Variants in ADAMTSL1 observed in about 807,000 individuals in gnomAD.
ADAMTSL1 encodes the protein ADAMTS-like protein 1.
In ADAMTSL1, 126 loss-of-function variants were observed where a neutral mutation model predicts 201.8. The observed-to-expected ratio is 0.62, with a 90% CI of 0.54 to 0.72. ADAMTSL1 has a LOEUF of 0.72. Among genes scored for constraint, ADAMTSL1 ranks in the 30% least tolerant of loss-of-function variants. ADAMTSL1 has a pLI of 0.00. For missense variants in ADAMTSL1, 2,679 were observed against 2,277.8 expected (o/e 1.18, Z -3.59); for synonymous variants, 1,121 against 903.4 (o/e 1.24, Z -4.32).
At chr9:18,443,534 A>G (rs1563964362) in intron 2 of ADAMTSL1, among the ~76,000 whole-genome samples, 1 of 152,254 alleles carries the variant, frequency 6.6e-6, no homozygotes, top group African/African-American at 2.4e-5. Context: ...TTATAGGTAT[A>G]GAACTCATTC....
chr9:18,905,027 C>T (rs143117599), intron 26 of ADAMTSL1, among the ~76,000 whole-genome samples: 98 of 152,274 alleles, frequency 6.4e-4, no homozygotes, highest in Non-Finnish European at 1.1e-3. Context: ...GCACCACCCC[C>T]AGTGGAACCC....
At chr9:18,193,881 C>A (rs1829071100) in intron 2 of ADAMTSL1, among the ~76,000 whole-genome samples, 1 of 152,150 alleles carries the variant, frequency 6.6e-6, no homozygotes, top group Admixed American at 6.6e-5. Flanking sequence ...TGCACACACT[C>A]ATGTTTTATC....
At chr9:18,053,760 C>A (rs756029919) in intron 1 of ADAMTSL1, among the ~76,000 whole-genome samples, 1 of 152,172 alleles carries the variant, frequency 6.6e-6, no homozygotes, top group Non-Finnish European at 1.5e-5. Flanking sequence ...GTTTACTGAG[C>A]ACTCTTGATG....
chr9:18,690,060 TG>T (rs765268146), intron 13 of ADAMTSL1, among the ~76,000 whole-genome samples: 5 of 152,192 alleles, frequency 3.3e-5, no homozygotes, highest in Non-Finnish European at 7.3e-5. Flanking sequence ...GGATGCCAGA[TG>T]GCATCAGCTT....
At chr9:18,001,233 A>C (rs1308964577) in intron 1 of ADAMTSL1, among the ~76,000 whole-genome samples, 1 of 152,116 alleles carries the variant, frequency 6.6e-6, no homozygotes, top group Non-Finnish European at 1.5e-5. Flanking sequence ...GTAAGATTGC[A>C]ATAATAAGCC....
At chr9:18,100,002 A>G (rs1824446948) in intron 1 of ADAMTSL1, among the ~76,000 whole-genome samples, 1 of 151,964 alleles carries the variant, frequency 6.6e-6, no homozygotes, top group Non-Finnish European at 1.5e-5. Flanking sequence ...TTTCTGATAT[A>G]ATTATTCTTC....
At chr9:18,569,629 T>C (rs1346953175) in intron 3 of ADAMTSL1, among the ~76,000 whole-genome samples, 1 of 152,114 alleles carries the variant, frequency 6.6e-6, no homozygotes, top group Non-Finnish European at 1.5e-5. Context: ...GTCCTGTGCA[T>C]CCCTCCCACA....
chr9:18,783,847 T>C (rs1178662352), intron 19 of ADAMTSL1, among the ~76,000 whole-genome samples: 1 of 151,544 alleles, frequency 6.6e-6, no homozygotes, highest in African/African-American at 2.4e-5. Flanking sequence ...ATTTACTATC[T>C]GTCCCTTTAC....
At chr9:18,673,284 C>A (rs764040282) in intron 9 of ADAMTSL1, among the ~76,000 whole-genome samples, 1 of 152,082 alleles carries the variant, frequency 6.6e-6, no homozygotes, top group Non-Finnish European at 1.5e-5. Flanking sequence ...GGCAAGCTTG[C>A]TTTCTCCCAG....
chr9:18,857,223 G>C (rs182355938), intron 23 of ADAMTSL1, among the ~76,000 whole-genome samples: 31 of 152,352 alleles, frequency 2.0e-4, no homozygotes, highest in African/African-American at 7.5e-4. Context: ...CCATTCGGGA[G>C]TAAGTTGCTG....
At chr9:18,113,180 A>G (rs940343609) in intron 1 of ADAMTSL1, among the ~76,000 whole-genome samples, 9 of 152,134 alleles carry the variant, frequency 5.9e-5, no homozygotes, top group African/African-American at 2.2e-4. Flanking sequence ...GTTGGAAAGA[A>G]AGAGATGAAG....
intron 10 of ADAMTSL1, among the ~76,000 whole-genome samples, chr9:18,679,378 G>A (rs10963718): frequency 0.17 from 25,796 of 151,954 alleles, 2,275 homozygotes; most frequent in South Asian, 0.21. Flanking sequence ...CAGTCCCAAT[G>A]TTTCTGTTTT....
intron 20 of ADAMTSL1, among the ~76,000 whole-genome samples, chr9:18,811,039 A>AAAAAAC (rs1823475270): frequency 6.0e-5 from 9 of 149,128 alleles, no homozygotes; most frequent in African/African-American, 2.2e-4. Flanking sequence ...AAAAAAACAA[A>AAAAAAC]CACCAGCTAG....
At chr9:18,792,237 T>A (rs2133826161) in intron 19 of ADAMTSL1, among the ~76,000 whole-genome samples, 1 of 152,106 alleles carries the variant, frequency 6.6e-6, no homozygotes, top group South Asian at 2.1e-4. Context: ...AAGAAAAGAG[T>A]CATTGGAAAT....
At chr9:18,340,429 A>G (rs4418426) in intron 2 of ADAMTSL1, among the ~76,000 whole-genome samples, 99,718 of 152,058 alleles carry the variant, frequency 0.66, 33,645 homozygotes, top group African/African-American at 0.8. Flanking sequence ...CCAGTTCTGC[A>G]TATACTGCAA....
intron 1 of ADAMTSL1, among the ~76,000 whole-genome samples, chr9:18,492,739 G>C (rs757395367): frequency 6.6e-6 from 1 of 152,100 alleles, no homozygotes; most frequent in Non-Finnish European, 1.5e-5. Context: ...TAGAATCATA[G>C]ACATTTTTGT....
chr9:18,600,516 G>A (rs1442057924), intron 4 of ADAMTSL1, among the ~76,000 whole-genome samples: 1 of 152,138 alleles, frequency 6.6e-6, no homozygotes, highest in Non-Finnish European at 1.5e-5. Flanking sequence ...AAGCCCCTGA[G>A]AATCTATGAC....
intron 1 of ADAMTSL1, among the ~76,000 whole-genome samples, chr9:18,135,441 G>A (rs1826118635): frequency 6.6e-6 from 1 of 152,040 alleles, no homozygotes; most frequent in Non-Finnish European, 1.5e-5. Flanking sequence ...TGAAAGGAAG[G>A]AGGGCATATT....
At chr9:17,968,764 G>A (rs1250821714) in intron 1 of ADAMTSL1, among the ~76,000 whole-genome samples, 1 of 152,104 alleles carries the variant, frequency 6.6e-6, no homozygotes, top group Non-Finnish European at 1.5e-5. Flanking sequence ...GAATTTTGAA[G>A]ATCAGTTATT....
Sources: allele counts gnomAD v4.1 joint callset (sites outside exome capture counted in the v4.1 genomes callset), GRCh38; gene constraint gnomAD v4.1.1; transcripts MANE v1.5; gene names NCBI Gene and HGNC (gene_info 2026-07-23, HGNC 2026-07-21).